ALG14: variants seen among roughly 807,000 people sequenced by gnomAD.
ALG14 encodes the protein UDP-N-acetylglucosamine transferase subunit ALG14.
In ALG14, 17 loss-of-function variants were observed where a neutral mutation model predicts 22.8. The ratio of observed to expected loss-of-function variants is 0.75; its 90% CI spans 0.51 to 1.12. The LOEUF (loss-of-function observed/expected upper bound fraction) is 1.12. ALG14 is among the 50% of genes most tolerant of loss of function. ALG14 has a pLI of 0.00. For synonymous variants in ALG14, 89 were observed against 103.7 expected (o/e 0.86, Z 0.86); for missense variants, 288 against 271.8 (o/e 1.06, Z -0.42).
chr1:94,984,423 T>G (rs1475938114), intron 3 of ALG14, among the ~76,000 whole-genome samples: 8 of 152,170 alleles, frequency 5.3e-5, no homozygotes, highest in Non-Finnish European at 1.5e-5. Flanking sequence ...GTGAACATGG[T>G]CAGGGCTGTA....
intron 3 of ALG14, among the ~76,000 whole-genome samples, chr1:95,004,736 C>T (rs534612108): frequency 7.9e-5 from 12 of 152,106 alleles, no homozygotes; most frequent in Non-Finnish European, 1.3e-4. Flanking sequence ...CTCCTGACCT[C>T]GTGATCTACC....
chr1:95,018,730 T>C lies in ALG14; in HGVS notation c.420+8399A>G, dbSNP rs1244320495. Reference sequence around the variant, plus strand: ...TCCAGCCCCTCCCAATTCTGTTCTTTAATAGAAGTGACCAGTGGGGAATTT... The same window carrying C: ...TCCAGCCCCTCCCAATTCTGTTCTTCAATAGAAGTGACCAGTGGGGAATTT... On this transcript the variant is annotated intron_variant, in intron 3 of 3. Coordinates refer to ENST00000370205, the MANE Select transcript of ALG14 (RefSeq NM_144988.4). 2.0e-5 allele frequency among the ~76,000 whole-genome samples: 3 copies of C among 152,080 alleles called. No individual in the cohort carries two copies. In the East Asian group the frequency reaches 5.8e-4, roughly 29 times the overall value.
In ALG14 at chr1:94,976,617, G is replaced by C. The variant is rs2100700926; in HGVS notation, c.*6459C>G. 6.6e-6 allele frequency: 1 copy of C among 152,160 alleles called. No homozygotes were observed. The highest frequency in any genetic ancestry group is 2.1e-4 in the South Asian group (1 of 4,822). 9.4% of individuals were successfully genotyped at this position (152,160 alleles called of 1,614,324 possible). A position where few individuals can be genotyped will look rare whatever the true frequency, so the allele number is the denominator to read the frequency against. ...TGAGGCACGAGAATCGCTTGAACCA[G>C]GGAGGTAGAGGTTGCAGTGAGTTGA... On this transcript the variant is annotated 3_prime_UTR_variant, in exon 4 of 4. Transcript: ENST00000370205.
intron 2 of ALG14, among the ~76,000 whole-genome samples, chr1:95,039,354 A>C (rs973397866): frequency 6.6e-6 from 1 of 152,156 alleles, no homozygotes; most frequent in Admixed American, 6.5e-5. Flanking sequence ...GAGAAGGGCA[A>C]TCATTGGGGA....
chr1:94,992,142 T>C (rs1053711499), intron 3 of ALG14, among the ~76,000 whole-genome samples: 1 of 152,154 alleles, frequency 6.6e-6, no homozygotes, highest in Non-Finnish European at 1.5e-5. Flanking sequence ...ATACAAAGTA[T>C]AGTATAGTAA....
At chr1:95,004,270 G>A (rs952457050) in intron 3 of ALG14, among the ~76,000 whole-genome samples, 2 of 143,912 alleles carry the variant, frequency 1.4e-5, no homozygotes, top group Non-Finnish European at 3.0e-5. Context: ...CACCCAGGAT[G>A]GAGTGCAGTG....
chr1:95,045,077 T>C (rs1217604352), intron 2 of ALG14, among the ~76,000 whole-genome samples: 1 of 152,132 alleles, frequency 6.6e-6, no homozygotes, highest in Non-Finnish European at 1.5e-5. Context: ...TGTTTAATAT[T>C]TTAGGTCTCT....
At chr1:95,039,535 G>C (rs1214681250) in intron 2 of ALG14, among the ~76,000 whole-genome samples, 1 of 152,176 alleles carries the variant, frequency 6.6e-6, no homozygotes, top group Non-Finnish European at 1.5e-5. Context: ...ATGACCTGGG[G>C]AGCAAATAGC....
rs1553164193 is a variant in ALG14, at chr1:95,059,413, A to AAC, written c.288+5452_288+5453insGT. On this transcript the variant is annotated intron_variant, in intron 2 of 3. Transcript: ENST00000370205. Reference sequence around the variant, plus strand: ...ACTCTGTCTCAAAAAAAAAAAAAAAAAAAAAAACATATTATTCTTGTTTAT... The same window carrying AAC: ...ACTCTGTCTCAAAAAAAAAAAAAAAAACAAAAAAACATATTATTCTTGTTTAT... Among the ~76,000 whole-genome samples, 44 of 143,488 alleles carry AAC rather than the reference A, an allele frequency of 3.1e-4. No homozygotes were observed. The South Asian group carries it at 5.0e-3, about 16-fold the overall frequency. 94.1% of individuals were successfully genotyped at this position (143,488 alleles called of 152,430 possible).
intron 2 of ALG14, among the ~76,000 whole-genome samples, chr1:95,041,852 C>T (rs1281262461): frequency 2.6e-5 from 4 of 152,080 alleles, no homozygotes; most frequent in African/African-American, 9.7e-5. Flanking sequence ...AACCACCAAA[C>T]TGCCACTGAT....
chr1:94,974,882 C>T lies in ALG14; in HGVS notation c.*8194G>A, dbSNP rs914343271. On this transcript the variant is annotated 3_prime_UTR_variant, in exon 4 of 4. Transcript: ENST00000370205. ...GGTGTCTGAGCCTCAGCTGGGAAGACCAGAAAGCCTGGAGTGACTCAAATG... is the reference window on the plus strand; with the variant it reads ...GGTGTCTGAGCCTCAGCTGGGAAGATCAGAAAGCCTGGAGTGACTCAAATG... 3.3e-5 allele frequency: 5 copies of T among 152,210 alleles called. No individual in the cohort carries two copies. Among genetic ancestry groups the T allele is most frequent in the African/African-American group, 1.2e-4 (5 of 41,450 alleles). The allele number at this position is 152,210 out of a possible 1,614,324, so 9.4% of individuals were successfully genotyped here.
chr1:94,986,170 A>G (rs1238073138), intron 3 of ALG14, among the ~76,000 whole-genome samples: 1 of 152,196 alleles, frequency 6.6e-6, no homozygotes, highest in Non-Finnish European at 1.5e-5. Context: ...TCATACTTCC[A>G]TTTCTCAAAA....
At chr1:95,007,952 A>C (rs1184403916) in intron 3 of ALG14, among the ~76,000 whole-genome samples, 4 of 152,214 alleles carry the variant, frequency 2.6e-5, no homozygotes, top group Admixed American at 1.3e-4. Context: ...TTGTTAGCTG[A>C]TGTATCCCTC....
At chr1:95,003,711 C>T (rs1000854908) in intron 3 of ALG14, among the ~76,000 whole-genome samples, 15 of 152,120 alleles carry the variant, frequency 9.9e-5, no homozygotes, top group Admixed American at 2.6e-4. Context: ...CCTCCTGCCT[C>T]GGCCCCTCAA....
At chr1:95,070,355 T>C (rs902521724) in intron 1 of ALG14, among the ~76,000 whole-genome samples, 18 of 152,358 alleles carry the variant, frequency 1.2e-4, no homozygotes, top group African/African-American at 4.3e-4. Flanking sequence ...CATAAATTTG[T>C]ATGCCTTTTC....
At chr1:95,031,426 G>T (rs373789022) in intron 2 of ALG14, among the ~76,000 whole-genome samples, 1 of 152,180 alleles carries the variant, frequency 6.6e-6, no homozygotes, top group East Asian at 1.9e-4. Flanking sequence ...GAGTCCATCT[G>T]GTGCCACTCT....
chr1:95,069,136 T>C (rs1675474935), intron 1 of ALG14, among the ~76,000 whole-genome samples: 1 of 152,220 alleles, frequency 6.6e-6, no homozygotes, highest in South Asian at 2.1e-4. Context: ...CTTCGGTCTT[T>C]GTCAAGACAT....
At chr1:95,009,196 AT>A (rs1387521498) in intron 3 of ALG14, among the ~76,000 whole-genome samples, 5 of 150,518 alleles carry the variant, frequency 3.3e-5, no homozygotes, top group African/African-American at 9.7e-5. Flanking sequence ...TCATATGGTA[AT>A]TTTTTTATTT....
chr1:95,052,904 C>A (rs748157894), intron 2 of ALG14, among the ~76,000 whole-genome samples: 3 of 150,792 alleles, frequency 2.0e-5, no homozygotes, highest in Admixed American at 6.6e-5. Context: ...AGTATAATTT[C>A]CATTTCCAAA....
Sources: gnomAD v4.1 joint callset for allele counts (sites outside exome capture counted in the v4.1 genomes callset) on GRCh38, gnomAD v4.1.1 for gene constraint, MANE v1.5 for transcripts, NCBI Gene and HGNC (gene_info 2026-07-23, HGNC 2026-07-21) for gene names.